DMD: variants seen among roughly 807,000 people sequenced by gnomAD.
DMD encodes dystrophin, also known as mutant dystrophin.
DMD carries 63 observed loss-of-function variants against 330.1 expected under a neutral mutation model. The observed-to-expected ratio is 0.19, with a 90% CI of 0.16 to 0.24. DMD has a LOEUF of 0.24. Ranked by LOEUF, DMD falls within the 10% of genes least tolerant of loss-of-function variation. DMD has a pLI of 1.00. For synonymous variants in DMD, 1,223 were observed against 959.8 expected (o/e 1.27, Z -5.07); for missense variants, 3,344 against 2,684.1 (o/e 1.25, Z -5.43).
At chrX:33,157,444 A>G (rs1238798306) in intron 1 of DMD, among the ~76,000 whole-genome samples, 2 of 111,890 alleles carry the variant, frequency 1.8e-5, no homozygotes, top group Non-Finnish European at 3.8e-5. Flanking sequence ...TTACATCTGC[A>G]AAGACCCCAT....
intron 1 of DMD, among the ~76,000 whole-genome samples, chrX:33,041,105 T>C (rs2094291691): frequency 8.9e-6 from 1 of 112,833 alleles, no homozygotes; most frequent in Non-Finnish European, 1.9e-5. Flanking sequence ...ATTTCTATTA[T>C]AAAAAATGTT....
At chrX:32,775,814 G>A (rs886587551) in intron 7 of DMD, among the ~76,000 whole-genome samples, 6 of 112,863 alleles carry the variant, frequency 5.3e-5, no homozygotes, top group African/African-American at 1.9e-4. Flanking sequence ...CTTTACTTAT[G>A]CAAATTTCTG....
chrX:31,158,216 T>C (rs184269607), intron 74 of DMD, among the ~76,000 whole-genome samples: 12 of 111,980 alleles, frequency 1.1e-4, no homozygotes, highest in Non-Finnish European at 1.1e-4. Flanking sequence ...AAGTAATGAA[T>C]AGATTAAAAA....
At chrX:33,190,913 AT>A (rs1273712969) in intron 1 of DMD, among the ~76,000 whole-genome samples, 34 of 1,015 alleles carry the variant, frequency 0.033, no homozygotes, top group African/African-American at 0.098. Flanking sequence ...AATATATAAT[AT>A]TATATATATA....
intron 62 of DMD, among the ~76,000 whole-genome samples, chrX:31,265,792 GGGGGGT>G (rs1200707131): frequency 1.3e-5 from 1 of 76,827 alleles, no homozygotes; most frequent in African/African-American, 4.6e-5. Flanking sequence ...GTGGGGGGGG[GGGGGGT>G]GGGTGACAAG....
At chrX:31,936,787 A>G (rs1392917802) in intron 45 of DMD, among the ~76,000 whole-genome samples, 1 of 111,640 alleles carries the variant, frequency 9.0e-6, no homozygotes, top group Non-Finnish European at 1.9e-5. Context: ...AAAAAAGAAC[A>G]ACCAAATATT....
intron 52 of DMD, among the ~76,000 whole-genome samples, chrX:31,697,279 C>T (rs1296603817): frequency 9.0e-6 from 1 of 111,659 alleles, no homozygotes; most frequent in East Asian, 2.8e-4. Flanking sequence ...ATCTGACATA[C>T]AAAAGTGAAA....
intron 1 of DMD, among the ~76,000 whole-genome samples, chrX:33,335,034 G>A (rs1312070755): frequency 4.5e-5 from 5 of 110,789 alleles, no homozygotes; most frequent in African/African-American, 1.6e-4. Flanking sequence ...ATAGCACATC[G>A]AATATTTGAA....
intron 45 of DMD, among the ~76,000 whole-genome samples, chrX:31,958,107 T>TG (rs1304101972): frequency 1.9e-5 from 2 of 103,540 alleles, no homozygotes; most frequent in African/African-American, 7.0e-5. Flanking sequence ...TTTTTTTTTT[T>TG]TTTTTTTTTT....
intron 63 of DMD, among the ~76,000 whole-genome samples, chrX:31,244,169 A>T (rs1023786902): frequency 1.8e-5 from 2 of 112,246 alleles, no homozygotes; most frequent in Non-Finnish European, 3.8e-5. Context: ...TTTCTGTATA[A>T]AATTGCTTGC....
At chrX:32,753,407 A>G (rs1385836094) in intron 7 of DMD, among the ~76,000 whole-genome samples, 1 of 111,906 alleles carries the variant, frequency 8.9e-6, no homozygotes. Context: ...TATGGAATTT[A>G]TAGTTCTTCC....
At chrX:32,353,047 A>G (rs1400040500) in intron 37 of DMD, among the ~76,000 whole-genome samples, 1 of 111,184 alleles carries the variant, frequency 9.0e-6, no homozygotes, top group Non-Finnish European at 1.9e-5. Context: ...AACTACCTAT[A>G]TATTAATTTA....
chrX:31,751,701 A>G, intron 51 of DMD, among the ~76,000 whole-genome samples: 1 of 112,392 alleles, frequency 8.9e-6, no homozygotes, highest in Middle Eastern at 4.2e-3. Context: ...TAATTAAGAA[A>G]AAATAAACCT....
At chrX:32,133,914 C>T (rs1349832585) in intron 44 of DMD, among the ~76,000 whole-genome samples, 1 of 111,561 alleles carries the variant, frequency 9.0e-6, no homozygotes, top group Non-Finnish European at 1.9e-5. Context: ...AGATAACCAG[C>T]CCCAAACAGC....
At chrX:31,791,469 T>C (rs6653857) in intron 50 of DMD, among the ~76,000 whole-genome samples, 13,242 of 110,729 alleles carry the variant, frequency 0.12, 610 homozygotes, top group South Asian at 0.19. Context: ...TTCAGGCAAG[T>C]GAGTGAATAT....
chrX:32,223,602 A>C (rs1423495515), intron 43 of DMD, among the ~76,000 whole-genome samples: 1 of 111,614 alleles, frequency 9.0e-6, no homozygotes, highest in Admixed American at 9.6e-5. Flanking sequence ...CAGATCTTTG[A>C]ATTTACTAAA....
intron 1 of DMD, among the ~76,000 whole-genome samples, chrX:33,328,896 C>G (rs1460725568): frequency 1.8e-5 from 2 of 111,512 alleles, no homozygotes; most frequent in Admixed American, 9.6e-5. Flanking sequence ...TAAAAGATAT[C>G]TGTCTAGATG....
At chrX:32,614,600 C>T (rs2149351030) in intron 11 of DMD, 147 bp from the exon 12 acceptor site, 1 of 482,078 alleles carries the variant, frequency 2.1e-6, no homozygotes, top group African/African-American at 2.4e-5. Context: ...AAGTAAAGCC[C>T]ACTATCAGTC....
chrX:32,754,712 A>G (rs1470328073), intron 7 of DMD, among the ~76,000 whole-genome samples: 1 of 111,681 alleles, frequency 9.0e-6, no homozygotes, highest in South Asian at 3.8e-4. Context: ...TTTCACGGCA[A>G]ATCTGTAAAA....
Sources: allele counts gnomAD v4.1 joint callset (sites outside exome capture counted in the v4.1 genomes callset), GRCh38; gene constraint gnomAD v4.1.1; transcripts MANE v1.5; gene names NCBI Gene and HGNC (gene_info 2026-07-23, HGNC 2026-07-21).